Variants in ADAMTSL3 observed in about 807,000 individuals in gnomAD.
ADAMTSL3 encodes the protein ADAMTS like 3.
A neutral mutation model predicts 201.7 loss-of-function variants in ADAMTSL3; 128 were observed. The ratio of observed to expected loss-of-function variants is 0.63; its 90% CI spans 0.55 to 0.73. The LOEUF (loss-of-function observed/expected upper bound fraction) is 0.73. Among genes scored for constraint, ADAMTSL3 ranks in the 30% least tolerant of loss-of-function variants. The probability of loss-of-function intolerance (pLI) is 0.00; values close to 1 mark genes in which losing one functional copy is unlikely to be tolerated. For synonymous variants in ADAMTSL3, 738 were observed against 748.4 expected (o/e 0.99, Z 0.23); for missense variants, 1,990 against 2,119.6 (o/e 0.94, Z 1.20).
At chr15:83,812,594 T>C (rs527788775) in intron 5 of ADAMTSL3, among the ~76,000 whole-genome samples, 1 of 152,294 alleles carries the variant, frequency 6.6e-6, no homozygotes, top group African/African-American at 2.4e-5. Context: ...TAGTCTGCTG[T>C]ATGGAGAAGG....
intron 27 of ADAMTSL3, among the ~76,000 whole-genome samples, chr15:84,025,835 G>A (rs1189622221): frequency 2.6e-5 from 4 of 152,144 alleles, no homozygotes; most frequent in East Asian, 1.9e-4. Context: ...AAAGTTTAAT[G>A]TGTAGGAACC....
chr15:83,950,002 CTTT>C (rs1048615217), intron 19 of ADAMTSL3, among the ~76,000 whole-genome samples: 1 of 151,900 alleles, frequency 6.6e-6, no homozygotes, highest in African/African-American at 2.4e-5. Context: ...CGTGTAGAAG[CTTT>C]TTAACTTCAT....
chr15:83,710,258 T>G (rs2141527593), intron 3 of ADAMTSL3, among the ~76,000 whole-genome samples: 2 of 152,310 alleles, frequency 1.3e-5, no homozygotes, highest in South Asian at 4.1e-4. Flanking sequence ...CTTGACTAAT[T>G]TAGCGTTTGC....
intron 3 of ADAMTSL3, among the ~76,000 whole-genome samples, chr15:83,729,125 A>C (rs2062226033): frequency 6.6e-6 from 1 of 152,020 alleles, no homozygotes; most frequent in African/African-American, 2.4e-5. Context: ...CTGCTGCCAG[A>C]TATATTGGGG....
chr15:84,024,059 T>C (rs2068254833), intron 26 of ADAMTSL3, among the ~76,000 whole-genome samples: 1 of 152,006 alleles, frequency 6.6e-6, no homozygotes, highest in South Asian at 2.1e-4. Flanking sequence ...ATCAAGAACA[T>C]CTTGGCTAAC....
chr15:83,696,331 C>T (rs948601572), intron 2 of ADAMTSL3, among the ~76,000 whole-genome samples: 3 of 152,192 alleles, frequency 2.0e-5, no homozygotes, highest in Non-Finnish European at 4.4e-5. Flanking sequence ...CCTCCTGCCT[C>T]GGCTTCCCTA....
chr15:83,970,304 G>A (rs182246952), intron 19 of ADAMTSL3, among the ~76,000 whole-genome samples, 180 bp from the exon 20 acceptor site: 94 of 152,062 alleles, frequency 6.2e-4, no homozygotes, highest in Non-Finnish European at 1.1e-3. Context: ...GAGGGAAGGG[G>A]AGGAGAGGAG....
At chr15:83,761,219 T>C (rs2062804077) in intron 3 of ADAMTSL3, among the ~76,000 whole-genome samples, 1 of 152,174 alleles carries the variant, frequency 6.6e-6, no homozygotes, top group South Asian at 2.1e-4. Context: ...ATCTTCTTCA[T>C]GGATGATACA....
chr15:83,704,196 A>C (rs190593908), intron 2 of ADAMTSL3, among the ~76,000 whole-genome samples, 193 bp from the exon 3 acceptor site: 33 of 152,298 alleles, frequency 2.2e-4, no homozygotes, highest in African/African-American at 7.7e-4. Flanking sequence ...GGCCACTGTG[A>C]TATCCTGGCC....
At chr15:83,738,079 A>T (rs1057140864) in intron 3 of ADAMTSL3, among the ~76,000 whole-genome samples, 1 of 152,236 alleles carries the variant, frequency 6.6e-6, no homozygotes, top group East Asian at 1.9e-4. Flanking sequence ...AATCCAGAGT[A>T]TACCTAGCAA....
intron 16 of ADAMTSL3, among the ~76,000 whole-genome samples, chr15:83,920,892 G>T (rs1045255716): frequency 6.6e-6 from 1 of 152,094 alleles, no homozygotes; most frequent in Non-Finnish European, 1.5e-5. Context: ...TTGGGATTGA[G>T]GGGGAGCATC....
chr15:83,802,382 A>G (rs562931801), intron 4 of ADAMTSL3, among the ~76,000 whole-genome samples: 2 of 152,258 alleles, frequency 1.3e-5, no homozygotes, highest in East Asian at 3.9e-4. Flanking sequence ...GAAATGAAAA[A>G]CTTTGTTACC....
intron 5 of ADAMTSL3, among the ~76,000 whole-genome samples, chr15:83,815,335 T>C (rs1270423701): frequency 1.3e-5 from 2 of 152,228 alleles, no homozygotes; most frequent in East Asian, 3.8e-4. Flanking sequence ...ACTTGTTCAG[T>C]GTGTTTCATG....
At chr15:83,917,805 TA>T (rs1323974233) in intron 16 of ADAMTSL3, among the ~76,000 whole-genome samples, 1 of 152,160 alleles carries the variant, frequency 6.6e-6, no homozygotes, top group African/African-American at 2.4e-5. Flanking sequence ...TTTATTTTGC[TA>T]AAATGATAGG....
chr15:83,908,919 C>T (rs2065887489), intron 15 of ADAMTSL3, among the ~76,000 whole-genome samples: 1 of 152,152 alleles, frequency 6.6e-6, no homozygotes, highest in Non-Finnish European at 1.5e-5. Flanking sequence ...CTTCCAGGCT[C>T]ATTTGAATAA....
intron 24 of ADAMTSL3, among the ~76,000 whole-genome samples, chr15:84,016,021 C>T (rs972343622): frequency 3.9e-5 from 6 of 152,178 alleles, no homozygotes; most frequent in Admixed American, 3.3e-4. Flanking sequence ...GAACATTGCC[C>T]GTTCTCTTGC....
intron 15 of ADAMTSL3, among the ~76,000 whole-genome samples, chr15:83,902,685 C>T (rs145517948): frequency 6.6e-6 from 1 of 152,242 alleles, no homozygotes; most frequent in East Asian, 1.9e-4. Context: ...TTTCCTGGTC[C>T]CCAGCCTCAT....
intron 20 of ADAMTSL3, among the ~76,000 whole-genome samples, chr15:83,974,112 A>G (rs1472046741): frequency 6.6e-6 from 1 of 152,150 alleles, no homozygotes; most frequent in Non-Finnish European, 1.5e-5. Flanking sequence ...TTCTGTCCCC[A>G]TAGCTAGTGA....
intron 27 of ADAMTSL3, among the ~76,000 whole-genome samples, chr15:84,027,559 A>T (rs1317099113): frequency 6.6e-6 from 1 of 151,868 alleles, no homozygotes; most frequent in Non-Finnish European, 1.5e-5. Flanking sequence ...AAATACAAAA[A>T]ATTAGCTGGG....
Sources: gnomAD v4.1 joint callset for allele counts (sites outside exome capture counted in the v4.1 genomes callset) on GRCh38, gnomAD v4.1.1 for gene constraint, MANE v1.5 for transcripts, NCBI Gene and HGNC (gene_info 2026-07-23, HGNC 2026-07-21) for gene names.